Variants in GLE1 observed in about 807,000 individuals in gnomAD.
GLE1 encodes mRNA export factor GLE1.
Under a neutral mutation model 97.3 loss-of-function variants are expected in GLE1, and 78 were observed. The observed-to-expected ratio is 0.80, with a 90% confidence interval of 0.67 to 0.97. The LOEUF (loss-of-function observed/expected upper bound fraction) is 0.97, where lower values mean the gene tolerates loss of function less well. GLE1 is among the 50% of genes least tolerant of loss of function. GLE1 has a pLI of 0.00. For synonymous variants in GLE1, 302 were observed against 313.4 expected (o/e 0.96, Z 0.39); for missense variants, 753 against 857.5 (o/e 0.88, Z 1.52).
intron 1 of GLE1, among the ~76,000 whole-genome samples, chr9:128,506,809 C>T (rs746387043): frequency 6.6e-6 from 1 of 152,170 alleles, no homozygotes; most frequent in Non-Finnish European, 1.5e-5. Context: ...ATGCCACTTC[C>T]AACCCAGCAC....
At position 128,533,719 on chromosome 9, in the gene GLE1, T is replaced by C. The variant is rs766899926; in HGVS notation, c.1456-42T>C. On this transcript the variant is annotated intron_variant, in intron 10 of 15. Coordinates refer to ENST00000309971, the MANE Select transcript of GLE1 (RefSeq NM_001003722.2). ...CTGGTGTACAAGATTTCAGCCTTTT[T>C]CTGGTATTAAGTTAAAATTGTACCC... The C allele has an allele frequency of 8.7e-6, 14 of 1,612,896 alleles. No individual in the cohort carries two copies. The African/African-American group carries it at 1.7e-4, about 20-fold the overall frequency.
Position 128,523,597 on chromosome 9 carries a change from C to T in GLE1, c.648C>T (p.Leu216=), listed in dbSNP as rs901799379. The part of the protein sequence containing the change: ...KAEHRHRAKI[L]NLKLREAEQQ... ...CACTCAGCCCTTTTCTACAGATTCTCAACCTGAAGCTGCGGGAAGCAGAGC... is the reference window on the plus strand; with the variant it reads ...CACTCAGCCCTTTTCTACAGATTCTTAACCTGAAGCTGCGGGAAGCAGAGC... Residue 216 remains leucine (L), a synonymous_variant, in exon 6 of 16, where the codon CTC becomes CTT. Coordinates refer to ENST00000309971, the MANE Select transcript of GLE1 (RefSeq NM_001003722.2). The T allele has an allele frequency of 6.2e-7, 1 of 1,614,020 alleles. No individual in the cohort carries two copies.
chr9:128,525,890 A>G (rs1327799686), intron 7 of GLE1, among the ~76,000 whole-genome samples: 1 of 151,924 alleles, frequency 6.6e-6, no homozygotes, highest in East Asian at 1.9e-4. Context: ...GTGCCACTGC[A>G]CTCCAACCTG....
At chr9:128,538,223 A>G (rs1207979530) in intron 13 of GLE1, 133 bp downstream of exon 13, 4 of 694,812 alleles carry the variant, frequency 5.8e-6, no homozygotes, top group Admixed American at 2.0e-5. Context: ...AGTGTCATAC[A>G]TTTTTCCCAA....
chr9:128,530,945 A>C (rs1020309313), intron 9 of GLE1, among the ~76,000 whole-genome samples: 72 of 150,536 alleles, frequency 4.8e-4, no homozygotes, highest in Non-Finnish European at 9.5e-4. Flanking sequence ...ACAGTGGCTC[A>C]CGCCTGTAAT....
intron 2 of GLE1, among the ~76,000 whole-genome samples, chr9:128,510,260 G>A (rs529334461): frequency 1.3e-5 from 2 of 149,976 alleles, no homozygotes; most frequent in East Asian, 2.0e-4. Context: ...ACGGAGTCTT[G>A]CTCTGTCCCC....
chr9:128,527,981 ACT>A (rs1491294783), intron 9 of GLE1, among the ~76,000 whole-genome samples: 30 of 133,024 alleles, frequency 2.3e-4, no homozygotes, highest in Non-Finnish European at 4.0e-4. Context: ...AAAAAAGAAG[ACT>A]CTTTTTTTTT....
In GLE1 at chr9:128,541,182, C is replaced by T. The variant is rs527776708; in HGVS notation, c.*12C>T. On this transcript the variant is annotated 3_prime_UTR_variant, in exon 16 of 16. Coordinates refer to ENST00000309971, the MANE Select transcript of GLE1 (RefSeq NM_001003722.2). Reference sequence around the variant, plus strand: ...TCTGGCGCTCCTGATGTCACTCCATCACCCACCATCACCGCTGCTGCAAAG... The same window carrying T: ...TCTGGCGCTCCTGATGTCACTCCATTACCCACCATCACCGCTGCTGCAAAG... 3.6e-6 allele frequency: 5 copies of T among 1,408,418 alleles called. No individual in the cohort carries two copies. In the African/African-American group the frequency reaches 7.0e-5, roughly 20 times the overall value. 87.2% of individuals were successfully genotyped at this position (1,408,418 alleles called of 1,614,324 possible).
At chr9:128,517,285 AT>A (rs1847016571) in intron 3 of GLE1, among the ~76,000 whole-genome samples, 1 of 151,706 alleles carries the variant, frequency 6.6e-6, no homozygotes, top group Non-Finnish European at 1.5e-5. Flanking sequence ...GCAATACTTT[AT>A]CTCAAAAAAA....
intron 1 of GLE1, among the ~76,000 whole-genome samples, chr9:128,505,507 G>A (rs1176347782): frequency 3.9e-5 from 6 of 152,180 alleles, no homozygotes; most frequent in African/African-American, 1.4e-4. Flanking sequence ...GTATTTCCCT[G>A]TCTTTTATGT....
chr9:128,523,579 C>G lies in GLE1; in HGVS notation c.643-13C>G. On this transcript the variant is annotated splice_polypyrimidine_tract_variant and intron_variant, in intron 5 of 15. Coordinates refer to ENST00000309971, the MANE Select transcript of GLE1 (RefSeq NM_001003722.2). The stretch of plus-strand genomic sequence containing the variant: ...AACCCCTCAGAGAGAAGTCACTCAG[C>G]CCTTTTCTACAGATTCTCAACCTGA... The G allele has an allele frequency of 6.2e-7, 1 of 1,613,734 alleles. No homozygotes were observed. Among genetic ancestry groups the G allele is most frequent in the Non-Finnish European group, 8.5e-7 (1 of 1,179,948 alleles).
At chr9:128,518,380 G>C (rs762688579) in intron 3 of GLE1, among the ~76,000 whole-genome samples, 3 of 152,058 alleles carry the variant, frequency 2.0e-5, no homozygotes, top group African/African-American at 4.8e-5. Context: ...GGCCAACACA[G>C]TAAAACCCTG....
rs137935719 is a variant in GLE1 at position 128,536,836 on chromosome 9, C to T, written c.1776+352C>T. 2.9e-4 allele frequency: 81 copies of T among 275,864 alleles called. No individual in the cohort carries two copies. The East Asian group carries it at 3.3e-3, about 11-fold the overall frequency. 17.1% of individuals were successfully genotyped at this position (275,864 alleles called of 1,614,324 possible). A position where few individuals can be genotyped will look rare whatever the true frequency, so the allele number is the denominator to read the frequency against. On this transcript the variant is annotated intron_variant, in intron 12 of 15. Transcript: ENST00000309971. ...CATCTAGATCACATACCTTACTTCA[C>T]AGATGGACAGAACAAGCTCAGAAAG...
At position 128,541,140 on chromosome 9, in the gene GLE1, C is replaced by T. The variant is rs2132546307; in HGVS notation, c.2067C>T (p.Gly689=). Residue 689 remains glycine, a synonymous_variant, in exon 16 of 16, where the codon GGC becomes GGT. Transcript: ENST00000309971. ...ACAAGGACATTCCTGTCCCCAAGGG[C>T]TTTCTGACTTCCTCCTTCTGGCGCT... ...LQHKDIPVPK[G]FLTSSFWRS 5 of 1,591,956 alleles carry T rather than the reference C, an allele frequency of 3.1e-6. No homozygotes were observed. Among genetic ancestry groups the T allele is most frequent in the Non-Finnish European group, 3.4e-6 (4 of 1,159,754 alleles).
chr9:128,527,275 A>G lies in GLE1; in HGVS notation c.1226A>G (p.Asn409Ser). 6.3e-7 allele frequency: 1 copy of G among 1,590,314 alleles called. No individual in the cohort carries two copies. Among genetic ancestry groups the G allele is most frequent in the Non-Finnish European group, 8.6e-7 (1 of 1,158,238 alleles). ...QCVLTFEGLTNSKDSQAKKIK... is the reference protein window; with the variant it reads ...QCVLTFEGLTSSKDSQAKKIK... ...GTGTTGACCTTTGAGGGCCTGACCA[A>G]CAGCAAGGACAGTCAGGTAGGGGAG... Residue 409 changes from asparagine (N) to serine (S), a missense_variant, in exon 8 of 16, where the codon AAC (asparagine) becomes AGC (serine). Asn to Ser is a conservative substitution (Grantham distance 46, BLOSUM62 1). Transcript: ENST00000309971.
chr9:128,540,304 T>G lies in GLE1; in HGVS notation c.1994T>G (p.Met665Arg). The G allele has an allele frequency of 6.2e-7, 1 of 1,610,600 alleles. No homozygotes were observed. Reference protein sequence around the residue: ...RIEAITSSGQMGSFIRLKQFL... With the variant: ...RIEAITSSGQRGSFIRLKQFL... Reference sequence around the variant, plus strand: ...GAAGCTATCACAAGCTCAGGACAGATGGGCTCCTTCATACGCCTCAAGCAG... The same window carrying G: ...GAAGCTATCACAAGCTCAGGACAGAGGGGCTCCTTCATACGCCTCAAGCAG... Residue 665 changes from methionine (M) to arginine (R), a missense_variant, in exon 15 of 16, where the codon ATG (methionine) becomes AGG (arginine). By Grantham distance (91) the Met-to-Arg change is moderately conservative. Transcript: ENST00000309971.
chr9:128,523,953 G>A, intron 6 of GLE1, 107 bp downstream of exon 6: 2 of 1,034,286 alleles, frequency 1.9e-6, no homozygotes, highest in Non-Finnish European at 2.9e-6. Context: ...GCTTATTGGG[G>A]GAAATACCAA....
intron 4 of GLE1, 50 bp from the exon 5 acceptor site, chr9:128,523,230 C>G: frequency 1.5e-6 from 2 of 1,347,758 alleles, no homozygotes; most frequent in South Asian, 2.3e-5. Flanking sequence ...GAAAGAAAAA[C>G]AATTTCAGGA....
intron 2 of GLE1, among the ~76,000 whole-genome samples, chr9:128,511,171 T>G (rs894993969): frequency 1.3e-5 from 2 of 150,906 alleles, no homozygotes; most frequent in South Asian, 4.2e-4. Context: ...GCCATTGTAC[T>G]CTAGCCTGGG....
Sources: gnomAD v4.1 joint callset for allele counts (sites outside exome capture counted in the v4.1 genomes callset) on GRCh38, gnomAD v4.1.1 for gene constraint, MANE v1.5 for transcripts, NCBI Gene and HGNC (gene_info 2026-07-23, HGNC 2026-07-21) for gene names.